The following CAMK1G variants were observed in gnomAD, a reference collection of about 807,000 sequenced individuals.
The protein encoded by CAMK1G is calcium/calmodulin dependent protein kinase IG.
In CAMK1G, 27 loss-of-function variants were observed where a neutral mutation model predicts 54.8. The ratio of observed to expected loss-of-function variants is 0.49; its 90% CI spans 0.36 to 0.68. CAMK1G has a LOEUF of 0.68. Ranked by LOEUF, CAMK1G falls within the 30% of genes least tolerant of loss-of-function variation. The pLI is 0.00. For synonymous variants in CAMK1G, 238 were observed against 224.9 expected (o/e 1.06, Z -0.52); for missense variants, 512 against 591.0 (o/e 0.87, Z 1.39).
Position 209,613,232 on chromosome 1 carries a change from G to A in CAMK1G, c.*230G>A, listed in dbSNP as rs572301266. The A allele has an allele frequency of 3.6e-5, 9 of 249,408 alleles. No individual in the cohort carries two copies. The highest frequency in any genetic ancestry group is 6.5e-5 in the Non-Finnish European group (8 of 123,124). 15.4% of individuals were successfully genotyped at this position (249,408 alleles called of 1,614,324 possible). ...CGTAGAAGCCTTGTTGAAGCTGTGA[G>A]CAGGAGAAGCGGTGCCCACCAGCTT... is the stretch of plus-strand genomic sequence containing the variant. On this transcript the variant is annotated 3_prime_UTR_variant, in exon 13 of 13. Coordinates refer to ENST00000361322, the MANE Select transcript of CAMK1G (RefSeq NM_020439.3).
At chr1:209,606,657 C>G (rs1204409560) in intron 6 of CAMK1G, among the ~76,000 whole-genome samples, 1 of 152,170 alleles carries the variant, frequency 6.6e-6, no homozygotes, top group African/African-American at 2.4e-5. Flanking sequence ...GACCGCCTAC[C>G]CCTGAGCCCT....
chr1:209,600,100 T>C lies in CAMK1G; in HGVS notation c.210T>C (p.Ala70=), dbSNP rs1444895157. Reference sequence around the variant, plus strand: ...ACAGCAGCCTGGAGAATGAGATTGCTGTGTTGAAAAAGTGAGTGGGTCTTA... The same window carrying C: ...ACAGCAGCCTGGAGAATGAGATTGCCGTGTTGAAAAAGTGAGTGGGTCTTA... ...FRDSSLENEI[A]VLKKIKHENI... is the part of the protein sequence containing the mutation. Residue 70 remains alanine, a synonymous_variant, in exon 3 of 13, where the codon GCT becomes GCC. Transcript: ENST00000361322. 6.2e-7 allele frequency: 1 copy of C among 1,613,620 alleles called. No homozygotes were observed. Among genetic ancestry groups the C allele is most frequent in the Admixed American group, 1.7e-5 (1 of 59,994 alleles).
rs76943430 is a variant in CAMK1G at position 209,611,219 on chromosome 1, G to A, written c.828-246G>A. 7.1e-3 allele frequency among the ~76,000 whole-genome samples: 1,077 copies of A among 152,318 alleles called. 6 individuals carry two copies. Among genetic ancestry groups the A allele is most frequent in the African/African-American group, 0.025 (1,033 of 41,568 alleles). ...TATTTACAAAAACAGGCAATAGGTCGATTTGGCCTATAGGCTATAGCTTGT... is the reference window on the plus strand; with the variant it reads ...TATTTACAAAAACAGGCAATAGGTCAATTTGGCCTATAGGCTATAGCTTGT... On this transcript the variant is annotated intron_variant, in intron 9 of 12. Coordinates refer to ENST00000361322, the MANE Select transcript of CAMK1G (RefSeq NM_020439.3).
intron 1 of CAMK1G, among the ~76,000 whole-genome samples, chr1:209,587,970 C>G (rs1425593678): frequency 6.6e-6 from 1 of 152,174 alleles, no homozygotes; most frequent in Admixed American, 6.5e-5. Flanking sequence ...TTTTCTGAGT[C>G]ATGCTCCCAA....
rs375075747 is a variant in CAMK1G at position 209,611,447 on chromosome 1, C to A, written c.828-18C>A. The A allele has an allele frequency of 1.2e-5, 20 of 1,613,130 alleles. No homozygotes were observed. The East Asian group carries it at 4.2e-4, about 34-fold the overall frequency. On this transcript the variant is annotated intron_variant, in intron 9 of 12. Transcript: ENST00000361322. ...AAATAGCCACCCAGTAGCCAGGTGT[C>A]CCCTCTTACATCCACAGGATTGACG...
At chr1:209,611,749 C>CT in intron 10 of CAMK1G, 43 bp from the exon 11 acceptor site, 1 of 1,598,682 alleles carries the variant, frequency 6.3e-7, no homozygotes, top group Non-Finnish European at 8.5e-7. Context: ...CCAAGGCCCT[C>CT]TGAGGTTGCA....
chr1:209,608,919 G>A, intron 7 of CAMK1G, 61 bp from the exon 8 acceptor site: 2 of 1,601,880 alleles, frequency 1.2e-6, no homozygotes, highest in Non-Finnish European at 1.7e-6. Flanking sequence ...GGGGAGCAGA[G>A]AGGCTGGCTC....
At chr1:209,602,052 G>A (rs1004072755) in intron 3 of CAMK1G, among the ~76,000 whole-genome samples, 3 of 152,094 alleles carry the variant, frequency 2.0e-5, no homozygotes, top group African/African-American at 7.2e-5. Context: ...TTGCTGCCTG[G>A]CAAGCCGAGC....
At chr1:209,587,228 C>A (rs1299603243) in intron 1 of CAMK1G, among the ~76,000 whole-genome samples, 1 of 151,984 alleles carries the variant, frequency 6.6e-6, no homozygotes, top group African/African-American at 2.4e-5. Context: ...GACACAGGCC[C>A]AGCCATTCAC....
rs1665664011 is a variant in CAMK1G at position 209,606,950 on chromosome 1, G to A, written c.559+507G>A. Reference sequence around the variant, plus strand: ...GCACTCTGGGAAATTGGCAAAGGTGGAGCTTCCTGCTTGAACATCCCTGTA... The same window carrying A: ...GCACTCTGGGAAATTGGCAAAGGTGAAGCTTCCTGCTTGAACATCCCTGTA... On this transcript the variant is annotated intron_variant, in intron 6 of 12. Coordinates refer to ENST00000361322, the MANE Select transcript of CAMK1G (RefSeq NM_020439.3). Among the ~76,000 whole-genome samples the A allele has an allele frequency of 2.0e-5, 3 of 152,172 alleles. 1 individual carries two copies. In the South Asian group the frequency reaches 6.2e-4, roughly 31 times the overall value.
chr1:209,589,781 C>A (rs551086320), intron 1 of CAMK1G, among the ~76,000 whole-genome samples: 2 of 152,182 alleles, frequency 1.3e-5, no homozygotes, highest in Non-Finnish European at 2.9e-5. Flanking sequence ...CTTTTAAGGC[C>A]AGACTCCTAT....
chr1:209,613,196 G>A lies in CAMK1G; in HGVS notation c.*194G>A, dbSNP rs976095373. ...AGCCCCTCATAGGAGGCCCAGGAGG[G>A]AGCCCCAAGGCGTAGAAGCCTTGTT... On this transcript the variant is annotated 3_prime_UTR_variant, in exon 13 of 13. Coordinates refer to ENST00000361322, the MANE Select transcript of CAMK1G (RefSeq NM_020439.3). 9 of 296,308 alleles carry A rather than the reference G, an allele frequency of 3.0e-5. No homozygotes were observed. Among genetic ancestry groups the A allele is most frequent in the Non-Finnish European group, 4.6e-5 (7 of 150,710 alleles). The allele number at this position is 296,308 out of a possible 1,614,324, so 18.4% of individuals were successfully genotyped here. A position where few individuals can be genotyped will look rare whatever the true frequency, so the allele number is the denominator to read the frequency against.
chr1:209,587,862 T>C (rs1264127017), intron 1 of CAMK1G, among the ~76,000 whole-genome samples: 1 of 151,110 alleles, frequency 6.6e-6, no homozygotes, highest in Non-Finnish European at 1.5e-5. Flanking sequence ...CAAGCGCTGA[T>C]AGATTTCCAT....
intron 3 of CAMK1G, among the ~76,000 whole-genome samples, chr1:209,602,265 C>G (rs1336669354): frequency 6.6e-6 from 1 of 152,152 alleles, no homozygotes; most frequent in East Asian, 1.9e-4. Context: ...AGCACCTTCC[C>G]CTGCCCTAGT....
intron 2 of CAMK1G, among the ~76,000 whole-genome samples, chr1:209,598,012 C>T (rs114479816): frequency 8.1e-4 from 124 of 152,300 alleles, no homozygotes; most frequent in African/African-American, 2.6e-3. Context: ...ACTATTGATA[C>T]TCCCACATTT....
At chr1:209,612,729 C>T in intron 11 of CAMK1G, 56 bp from the exon 12 acceptor site, 1 of 1,442,110 alleles carries the variant, frequency 6.9e-7, no homozygotes, top group East Asian at 2.3e-5. Context: ...TGCCCTGCCC[C>T]ATCGACTCTT....
chr1:209,584,391 G>C (rs1437019496), intron 1 of CAMK1G, among the ~76,000 whole-genome samples: 1 of 152,168 alleles, frequency 6.6e-6, no homozygotes, highest in Non-Finnish European at 1.5e-5. Flanking sequence ...ATCCTCAGCC[G>C]CGTTAAGATG....
At chr1:209,590,602 A>C (rs1665221041) in intron 1 of CAMK1G, among the ~76,000 whole-genome samples, 1 of 152,208 alleles carries the variant, frequency 6.6e-6, no homozygotes, top group South Asian at 2.1e-4. Flanking sequence ...CTCCTGGAGA[A>C]CAGGCCGTCA....
In CAMK1G at chr1:209,610,415, C is replaced by T. The variant is rs577547143; in HGVS notation, c.827+486C>T. 3.3e-5 allele frequency among the ~76,000 whole-genome samples: 5 copies of T among 152,314 alleles called. No homozygotes were observed. In the South Asian group the frequency reaches 1.0e-3, roughly 32 times the overall value. On this transcript the variant is annotated intron_variant, in intron 9 of 12. Transcript: ENST00000361322. ...CTCAATTTACAATAGCTCCCCACTT[C>T]ATACCCCAGCAAGCCTGGATTCCTT...
Sources: gnomAD v4.1 joint callset for allele counts (sites outside exome capture counted in the v4.1 genomes callset) on GRCh38, gnomAD v4.1.1 for gene constraint, MANE v1.5 for transcripts, NCBI Gene and HGNC (gene_info 2026-07-23, HGNC 2026-07-21) for gene names.